FRMPD4: variants seen among roughly 807,000 people sequenced by gnomAD.
FRMPD4 encodes the protein FERM and PDZ domain-containing protein 4.
FRMPD4 carries 22 observed loss-of-function variants against 94.1 expected under a neutral mutation model. The ratio of observed to expected loss-of-function variants is 0.23; its 90% confidence interval spans 0.17 to 0.33. The LOEUF (loss-of-function observed/expected upper bound fraction) is 0.33, where lower values mean the gene tolerates loss of function less well. Among genes scored for constraint, FRMPD4 ranks in the 10% least tolerant of loss-of-function variants. The pLI is 1.00. For synonymous variants in FRMPD4, 631 were observed against 548.6 expected, an observed-to-expected ratio of 1.15 and a Z score of -2.10; for missense variants, 1,111 against 1,339.9, an observed-to-expected ratio of 0.83 and a Z score of 2.67.
intron 1 of FRMPD4, among the ~76,000 whole-genome samples, chrX:12,176,937 T>C (rs1184325024): frequency 8.9e-6 from 1 of 112,127 alleles, no homozygotes; most frequent in African/African-American, 3.2e-5. Context: ...AAATATAAAA[T>C]TGATTAAAAC....
At chrX:12,476,725 C>G (rs2057604268) in intron 1 of FRMPD4, among the ~76,000 whole-genome samples, 1 of 111,950 alleles carries the variant, frequency 8.9e-6, no homozygotes, top group African/African-American at 3.2e-5. Context: ...TGCTCATCAT[C>G]ACTGGCCATC....
intron 3 of FRMPD4, among the ~76,000 whole-genome samples, chrX:12,050,215 A>G (rs2054809198): frequency 9.0e-6 from 1 of 111,694 alleles, no homozygotes; most frequent in African/African-American, 3.2e-5. Flanking sequence ...ACCCAGAACA[A>G]CTTCCAGTCC....
chrX:12,367,339 A>G (rs1217840741), intron 1 of FRMPD4, among the ~76,000 whole-genome samples: 2 of 112,221 alleles, frequency 1.8e-5, no homozygotes, highest in African/African-American at 6.5e-5. Flanking sequence ...TCCGGCCTGC[A>G]CATATAGCAC....
At chrX:12,495,138 G>T (rs1301185956) in intron 1 of FRMPD4, 1 of 227,049 alleles carries the variant, frequency 4.4e-6, no homozygotes, top group Non-Finnish European at 6.3e-6. Context: ...GACATTCTGG[G>T]AAGGTGTGAC....
At chrX:12,505,727 GAA>G (rs34064982) in intron 2 of FRMPD4, among the ~76,000 whole-genome samples, 4,271 of 45,929 alleles carry the variant, frequency 0.093, 173 homozygotes, top group African/African-American at 0.18. Flanking sequence ...AACTCCATCC[GAA>G]AAAAAAAAAA....
intron 1 of FRMPD4, among the ~76,000 whole-genome samples, chrX:11,822,762 G>C (rs977361429): frequency 2.3e-4 from 26 of 111,854 alleles, no homozygotes; most frequent in African/African-American, 8.1e-4. Flanking sequence ...AAATTTGTGG[G>C]GAGGCCAATC....
At chrX:12,317,402 G>A (rs143425829) in intron 1 of FRMPD4, among the ~76,000 whole-genome samples, 3,149 of 110,012 alleles carry the variant, frequency 0.029, 99 homozygotes, top group African/African-American at 0.093. Context: ...CCTCAAAAGC[G>A]CAGACAGCCA....
intron 3 of FRMPD4, among the ~76,000 whole-genome samples, chrX:12,046,704 C>T (rs1253486633): frequency 2.7e-5 from 3 of 112,105 alleles, no homozygotes; most frequent in African/African-American, 9.7e-5. Flanking sequence ...GGGGAAGGGG[C>T]ATGGGAATGT....
chrX:12,584,705 A>G (rs1300356322), intron 2 of FRMPD4, among the ~76,000 whole-genome samples: 25 of 112,290 alleles, frequency 2.2e-4, no homozygotes, highest in African/African-American at 7.4e-4. Flanking sequence ...GACTAAAGAG[A>G]CTAAATGCTG....
intron 1 of FRMPD4, among the ~76,000 whole-genome samples, chrX:12,172,035 GCACAGAGAACTAC>G (rs762795715): frequency 1.8e-5 from 2 of 111,326 alleles, no homozygotes; most frequent in South Asian, 7.7e-4. Flanking sequence ...ATTTCTGCTG[GCACAGAGAACTAC>G]CATGTCAGGT....
chrX:12,184,622 C>T (rs937899387), intron 1 of FRMPD4, among the ~76,000 whole-genome samples: 2 of 112,161 alleles, frequency 1.8e-5, no homozygotes, highest in African/African-American at 3.2e-5. Context: ...GGTACATATA[C>T]ACAGTGGAGC....
intron 1 of FRMPD4, among the ~76,000 whole-genome samples, chrX:12,219,336 C>A (rs1364722453): frequency 3.6e-5 from 4 of 110,849 alleles, no homozygotes; most frequent in African/African-American, 9.9e-5. Flanking sequence ...ACCGTCGCAC[C>A]CCTGGGTGAC....
At chrX:12,092,785 C>T (rs1227373367) in intron 3 of FRMPD4, among the ~76,000 whole-genome samples, 1 of 111,508 alleles carries the variant, frequency 9.0e-6, no homozygotes, top group African/African-American at 3.3e-5. Context: ...TCAGGTCAGA[C>T]AAAAGCCTCA....
intron 3 of FRMPD4, among the ~76,000 whole-genome samples, chrX:12,111,847 C>T (rs1298014432): frequency 8.9e-6 from 1 of 111,775 alleles, no homozygotes. Context: ...CAGAGAAATG[C>T]AAATCAAAAC....
intron 4 of FRMPD4, among the ~76,000 whole-genome samples, chrX:12,669,736 G>C (rs937175403): frequency 1.8e-5 from 2 of 111,694 alleles, no homozygotes; most frequent in African/African-American, 6.5e-5. Context: ...ATTTGAAGAT[G>C]ATACTGCTGG....
At position 12,716,456 on chromosome X, in the gene FRMPD4, C is replaced by G; in HGVS notation, c.1997C>G (p.Pro666Arg). The part of the protein sequence containing the change: ...GDFALDDGIS[P>R]PTLGYETLLD... The stretch of plus-strand genomic sequence containing the variant: ...TTCGCCTTGGATGATGGTATTAGTC[C>G]CCCAACCCTTGGCTATGAAACGCTA... The change falls in exon 15 of 17, where the codon CCC becomes CGC. Residue 666 changes from proline (P) to arginine (R), a missense_variant. By Grantham distance (103) the Pro-to-Arg change is moderately radical. Coordinates refer to ENST00000675598, the MANE Select transcript of FRMPD4 (RefSeq NM_001368397.1). 1 of 1,209,711 alleles carries G rather than the reference C, an allele frequency of 8.3e-7. No homozygotes were observed. Among genetic ancestry groups the G allele is most frequent in the South Asian group, 1.8e-5 (1 of 56,808 alleles).
chrX:12,528,319 G>GTTTTTTT (rs62720861), intron 2 of FRMPD4, among the ~76,000 whole-genome samples: 19 of 73,851 alleles, frequency 2.6e-4, no homozygotes, highest in East Asian at 7.8e-4. Context: ...TTTTGTTTTT[G>GTTTTTTT]TTTTTTTTTT....
chrX:12,405,617 G>A (rs182561851), intron 1 of FRMPD4, among the ~76,000 whole-genome samples: 6 of 111,711 alleles, frequency 5.4e-5, no homozygotes, highest in Admixed American at 1.9e-4. Flanking sequence ...CCTCATTAAT[G>A]TGAAATCAGG....
intron 1 of FRMPD4, among the ~76,000 whole-genome samples, chrX:12,285,675 T>A (rs1425756194): frequency 8.9e-6 from 1 of 111,909 alleles, no homozygotes; most frequent in African/African-American, 3.2e-5. Context: ...AATCCTCTAA[T>A]CAAATTCTGG....
Sources: allele counts gnomAD v4.1 joint callset (sites outside exome capture counted in the v4.1 genomes callset), GRCh38; gene constraint gnomAD v4.1.1; transcripts MANE v1.5; gene names NCBI Gene and HGNC (gene_info 2026-07-23, HGNC 2026-07-21).